The following FBXW7 variants were observed in gnomAD, a reference collection of about 807,000 sequenced individuals.
The protein encoded by FBXW7 is F-box/WD repeat-containing protein 7.
In FBXW7, 11 loss-of-function variants were observed where a neutral mutation model predicts 86.3. That is an observed-to-expected ratio of 0.13 (90% CI 0.08 to 0.21). The LOEUF is 0.21. Ranked by LOEUF, FBXW7 falls within the 10% of genes least tolerant of loss-of-function variation. The probability of loss-of-function intolerance (pLI) is 1.00; values close to 1 mark genes in which losing one functional copy is unlikely to be tolerated. For synonymous variants in FBXW7, 313 were observed against 297.9 expected, an observed-to-expected ratio of 1.05 and a Z score of -0.52; for missense variants, 488 against 847.4, an observed-to-expected ratio of 0.58 and a Z score of 5.27.
intron 4 of FBXW7, among the ~76,000 whole-genome samples, chr4:152,402,995 G>T (rs554879684): frequency 3.9e-5 from 6 of 152,322 alleles, no homozygotes; most frequent in Admixed American, 6.5e-5. Flanking sequence ...ACTGGGCACA[G>T]GTTTGGCCTT....
intron 2 of FBXW7, among the ~76,000 whole-genome samples, chr4:152,510,826 T>C (rs572999859): frequency 1.3e-5 from 2 of 152,318 alleles, no homozygotes; most frequent in African/African-American, 4.8e-5. Context: ...TTATTTTTTA[T>C]GTAAAGAGTA....
intron 2 of FBXW7, among the ~76,000 whole-genome samples, chr4:152,527,901 C>CACACACACACACACACACACAT (rs71596295): frequency 1.3e-5 from 2 of 149,188 alleles, no homozygotes; most frequent in African/African-American, 4.9e-5. Flanking sequence ...CACACACACA[C>CACACACACACACACACACACAT]ATATATATAC....
intron 2 of FBXW7, among the ~76,000 whole-genome samples, chr4:152,498,956 T>C (rs1254298099): frequency 6.6e-6 from 1 of 152,194 alleles, no homozygotes; most frequent in Non-Finnish European, 1.5e-5. Flanking sequence ...TCTTTAAAGT[T>C]AGACGATCAA....
intron 2 of FBXW7, among the ~76,000 whole-genome samples, chr4:152,506,707 G>A (rs116293527): frequency 0.01 from 1,553 of 152,248 alleles, 19 homozygotes; most frequent in East Asian, 0.042. Flanking sequence ...TAAATGAAAC[G>A]TATTATAGCA....
At chr4:152,380,576 A>G (rs186625665) in intron 4 of FBXW7, among the ~76,000 whole-genome samples, 92 of 152,008 alleles carry the variant, frequency 6.1e-4, no homozygotes, top group Non-Finnish European at 1.1e-3. Flanking sequence ...CAAATTAAAT[A>G]GTGACCCCAG....
rs931468205 is a variant in FBXW7, at chr4:152,535,678, C to T, written c.-764G>A. 2.5e-6 allele frequency: 1 copy of T among 396,280 alleles called. No individual in the cohort carries two copies. The highest frequency in any genetic ancestry group is 3.6e-5 in the East Asian group (1 of 27,926). The allele number at this position is 396,280 out of a possible 1,614,324, so 24.5% of individuals were successfully genotyped here. ...GCGGCTGGGACCCCCCTCCCTACACCTTGGGGGTCTCGCCCCACGCCCCAC... is the reference window on the plus strand; with the variant it reads ...GCGGCTGGGACCCCCCTCCCTACACTTTGGGGGTCTCGCCCCACGCCCCAC... On this transcript the variant is annotated 5_prime_UTR_variant, in exon 1 of 14. Transcript: ENST00000281708.
At chr4:152,350,162 T>C in intron 4 of FBXW7, 38 bp from the exon 5 acceptor site, 1 of 1,276,906 alleles carries the variant, frequency 7.8e-7, no homozygotes, top group East Asian at 2.6e-5. Flanking sequence ...TTTTTAAAAA[T>C]CGTCTAACTA....
chr4:152,514,419 T>C (rs1215616806), intron 2 of FBXW7, among the ~76,000 whole-genome samples: 2 of 152,206 alleles, frequency 1.3e-5, no homozygotes, highest in African/African-American at 4.8e-5. Context: ...ATATGAATTC[T>C]CAACAAGAAA....
At chr4:152,338,004 A>ACGGCG in intron 6 of FBXW7, 68 bp from the exon 7 acceptor site, 7 of 1,470,948 alleles carry the variant, frequency 4.8e-6, no homozygotes, top group Admixed American at 4.2e-5. Flanking sequence ...TATAAAGGAA[A>ACGGCG]ACTCACATCT....
At chr4:152,476,529 T>A (rs1744421243) in intron 2 of FBXW7, among the ~76,000 whole-genome samples, 1 of 152,146 alleles carries the variant, frequency 6.6e-6, no homozygotes. Flanking sequence ...GGTCACAGAC[T>A]CAGAGAAAAT....
chr4:152,452,118 T>G (rs1202422708), intron 2 of FBXW7, among the ~76,000 whole-genome samples: 1 of 152,246 alleles, frequency 6.6e-6, no homozygotes, highest in Admixed American at 6.5e-5. Context: ...TGTCTTCCTG[T>G]AAGCCAGACT....
At chr4:152,345,953 A>G (rs1278733443) in intron 6 of FBXW7, among the ~76,000 whole-genome samples, 1 of 152,172 alleles carries the variant, frequency 6.6e-6, no homozygotes, top group Non-Finnish European at 1.5e-5. Context: ...AGGGTAGTAT[A>G]TTCTTTTTAC....
chr4:152,452,816 C>T (rs190678222), intron 2 of FBXW7, among the ~76,000 whole-genome samples: 7 of 152,156 alleles, frequency 4.6e-5, no homozygotes, highest in Admixed American at 3.3e-4. Flanking sequence ...GATTGCCTTG[C>T]AGTAATAAAT....
intron 2 of FBXW7, among the ~76,000 whole-genome samples, chr4:152,448,789 C>G (rs1206797081): frequency 6.6e-6 from 1 of 152,184 alleles, no homozygotes; most frequent in Non-Finnish European, 1.5e-5. Context: ...GATATTAAAA[C>G]AGAAGTCTCC....
chr4:152,326,816 A>T (rs749013590), intron 11 of FBXW7, among the ~76,000 whole-genome samples: 1 of 152,156 alleles, frequency 6.6e-6, no homozygotes, highest in Non-Finnish European at 1.5e-5. Flanking sequence ...TACACTATAC[A>T]TTCCAGTAAA....
chr4:152,517,222 T>C (rs1002539489), intron 2 of FBXW7, among the ~76,000 whole-genome samples: 3 of 152,166 alleles, frequency 2.0e-5, no homozygotes, highest in African/African-American at 7.2e-5. Context: ...GGGGTGGTTT[T>C]TTTAAAAAAG....
At chr4:152,504,470 G>A (rs752638677) in intron 2 of FBXW7, among the ~76,000 whole-genome samples, 6 of 151,966 alleles carry the variant, frequency 3.9e-5, no homozygotes, top group African/African-American at 4.8e-5. Context: ...TCAGTAATAC[G>A]GAGTTGACAC....
At chr4:152,484,485 G>A (rs925689136) in intron 2 of FBXW7, among the ~76,000 whole-genome samples, 3 of 151,962 alleles carry the variant, frequency 2.0e-5, no homozygotes, top group Admixed American at 6.6e-5. Context: ...ACACATACAA[G>A]GGGAAAAAGG....
rs1302463717 is a variant in FBXW7 at position 152,535,404 on chromosome 4, G to A, written c.-490C>T. On this transcript the variant is annotated 5_prime_UTR_variant, in exon 1 of 14. Transcript: ENST00000281708. ...AGAAGACCCCCGGAGGGGGCTGAGG[G>A]GAGGGGGAAGGTGAGGAAAGGACGG... is the stretch of plus-strand genomic sequence containing the variant. 7.8e-6 allele frequency: 3 copies of A among 386,930 alleles called. No individual in the cohort carries two copies. The highest frequency in any genetic ancestry group is 3.6e-5 in the East Asian group (1 of 27,452). 24.0% of individuals were successfully genotyped at this position (386,930 alleles called of 1,614,324 possible). A position where few individuals can be genotyped will look rare whatever the true frequency, so the allele number is the denominator to read the frequency against.
Sources: gnomAD v4.1 joint callset for allele counts (sites outside exome capture counted in the v4.1 genomes callset) on GRCh38, gnomAD v4.1.1 for gene constraint, MANE v1.5 for transcripts, NCBI Gene and HGNC (gene_info 2026-07-23, HGNC 2026-07-21) for gene names.